The following MTSS1 variants were observed in gnomAD, a reference collection of about 807,000 sequenced individuals.
MTSS1 encodes the protein protein MTSS 1.
A neutral mutation model predicts 79.0 loss-of-function variants in MTSS1; 18 were observed. That is an observed-to-expected ratio of 0.23 (90% CI 0.16 to 0.34). The LOEUF is 0.34. Among genes scored for constraint, MTSS1 ranks in the 10% least tolerant of loss-of-function variants. The pLI is 1.00. For missense variants in MTSS1, 815 were observed against 986.2 expected (o/e 0.83, Z 2.33); for synonymous variants, 341 against 368.6 (o/e 0.93, Z 0.86).
At chr8:124,701,091 G>T (rs1829629121) in intron 2 of MTSS1, among the ~76,000 whole-genome samples, 2 of 152,044 alleles carry the variant, frequency 1.3e-5, no homozygotes, top group South Asian at 4.2e-4. Context: ...TTTTAAATTA[G>T]CCGGGCACAG....
chr8:124,707,344 C>G (rs954668613), intron 1 of MTSS1, among the ~76,000 whole-genome samples: 4 of 151,064 alleles, frequency 2.6e-5, no homozygotes, highest in African/African-American at 7.3e-5. Flanking sequence ...CCCAGGAGTT[C>G]AAGACCAGCC....
chr8:124,597,582 CTCATT>C lies in MTSS1; in HGVS notation c.209-6352_209-6348del, dbSNP rs1443520850. Among the ~76,000 whole-genome samples, 15 of 152,196 alleles carry C rather than the reference CTCATT, an allele frequency of 9.9e-5. No individual in the cohort carries two copies. The highest frequency in any genetic ancestry group is 2.2e-4 in the Non-Finnish European group (15 of 68,040). On this transcript the variant is annotated intron_variant, in intron 3 of 13. Coordinates refer to ENST00000518547, the MANE Select transcript of MTSS1 (RefSeq NM_014751.6). The surrounding 1 kb of genome is among the most constrained non-coding windows in gnomAD (Gnocchi z 4.6). ...GCATTGTCCTGTCCCTCCAAGCTGC[CTCATT>C]TGCAGGCAGCTGCCATCTCCCTGCA...
intron 3 of MTSS1, among the ~76,000 whole-genome samples, chr8:124,675,168 T>C (rs766102172): frequency 6.6e-6 from 1 of 152,258 alleles, no homozygotes; most frequent in Non-Finnish European, 1.5e-5. Flanking sequence ...TAGAAGCTTC[T>C]TGAGGAACAC....
intron 3 of MTSS1, among the ~76,000 whole-genome samples, chr8:124,684,661 G>A (rs534445670): frequency 2.0e-5 from 3 of 152,196 alleles, no homozygotes; most frequent in Non-Finnish European, 4.4e-5. Flanking sequence ...GATACCACCG[G>A]GTTCCATCAC....
At chr8:124,657,935 G>A (rs1045208363) in intron 3 of MTSS1, among the ~76,000 whole-genome samples, 1 of 152,140 alleles carries the variant, frequency 6.6e-6, no homozygotes, top group East Asian at 1.9e-4. Context: ...TGAGCCTTTG[G>A]GAGGTAATTA....
In MTSS1 at chr8:124,624,472, A is replaced by G. The variant is rs556951289; in HGVS notation, c.209-33237T>C. On this transcript the variant is annotated intron_variant, in intron 3 of 13. Transcript: ENST00000518547. ...TGACACAGAAAAAGAAAAGAAAGGG[A>G]TGGGTACAGGGGAATCACAGGGGCA... Among the ~76,000 whole-genome samples, 44 of 152,234 alleles carry G rather than the reference A, an allele frequency of 2.9e-4. No individual in the cohort carries two copies. The South Asian group carries it at 7.0e-3, about 24-fold the overall frequency.
chr8:124,612,161 C>G (rs1196700202), intron 3 of MTSS1, among the ~76,000 whole-genome samples: 1 of 152,132 alleles, frequency 6.6e-6, no homozygotes, highest in Non-Finnish European at 1.5e-5. Context: ...GACATTGGAC[C>G]ACTCCCAACA....
rs1241086029 is a variant in MTSS1, at chr8:124,558,583, C to T, written c.1036-708G>A. On this transcript the variant is annotated intron_variant, in intron 10 of 13. Transcript: ENST00000518547. ...CCCTCAGCCTTGTCCCACCCTCTGT[C>T]CCCAAGAGGAGCCCCACTCTTGGTG... 4 of 1,300,864 alleles carry T rather than the reference C, an allele frequency of 3.1e-6. No homozygotes were observed. In the African/African-American group the frequency reaches 6.0e-5, roughly 19 times the overall value. The allele number at this position is 1,300,864 out of a possible 1,614,324, so 80.6% of individuals were successfully genotyped here. A position where few individuals can be genotyped will look rare whatever the true frequency, so the allele number is the denominator to read the frequency against.
At chr8:124,651,452 T>G (rs79993854) in intron 3 of MTSS1, among the ~76,000 whole-genome samples, 1,866 of 148,180 alleles carry the variant, frequency 0.013, 36 homozygotes, top group African/African-American at 0.043. Flanking sequence ...CACATGGTCT[T>G]TTTTTTTTTG....
chr8:124,699,429 T>C, intron 3 of MTSS1, 97 bp downstream of exon 3: 1 of 1,122,612 alleles, frequency 8.9e-7, no homozygotes, highest in Non-Finnish European at 1.3e-6. Flanking sequence ...AGCTCAGCTC[T>C]GATAACTTAA....
intron 3 of MTSS1, among the ~76,000 whole-genome samples, chr8:124,685,485 CG>C (rs1182641930): frequency 7.2e-5 from 11 of 152,278 alleles, no homozygotes; most frequent in African/African-American, 2.6e-4. Flanking sequence ...GAGCTCTCAG[CG>C]GGGATCCTAA....
At chr8:124,622,512 T>G (rs1349779692) in intron 3 of MTSS1, among the ~76,000 whole-genome samples, 5 of 137,104 alleles carry the variant, frequency 3.6e-5, no homozygotes, top group East Asian at 2.1e-4. Flanking sequence ...AAAAGGTAAA[T>G]GACTGGGTGC....
chr8:124,577,959 A>G (rs917673219), intron 6 of MTSS1, among the ~76,000 whole-genome samples: 1 of 152,192 alleles, frequency 6.6e-6, no homozygotes, highest in African/African-American at 2.4e-5. Context: ...AACACAAGAA[A>G]CATTCCTGTG....
chr8:124,660,235 G>A (rs115617993), intron 3 of MTSS1, among the ~76,000 whole-genome samples: 5 of 152,214 alleles, frequency 3.3e-5, no homozygotes, highest in East Asian at 3.9e-4. Flanking sequence ...CGGCAGCCCA[G>A]AGTTAGGAAT....
At chr8:124,619,027 T>C (rs1324869335) in intron 3 of MTSS1, among the ~76,000 whole-genome samples, 6 of 152,242 alleles carry the variant, frequency 3.9e-5, no homozygotes, top group Admixed American at 3.9e-4. Flanking sequence ...TGATTAATAT[T>C]CATGCAAGGA....
intron 3 of MTSS1, among the ~76,000 whole-genome samples, chr8:124,655,242 C>A (rs1206567714): frequency 6.6e-6 from 1 of 152,252 alleles, no homozygotes; most frequent in Non-Finnish European, 1.5e-5. Context: ...ACCAAGTCTG[C>A]TGACCCTCCC....
chr8:124,601,040 C>T (rs1344562479), intron 3 of MTSS1, among the ~76,000 whole-genome samples: 2 of 150,160 alleles, frequency 1.3e-5, no homozygotes, highest in South Asian at 4.3e-4. Flanking sequence ...GTGACCTTGA[C>T]CCTAGGTTTC....
chr8:124,589,063 C>T (rs1831370468), intron 5 of MTSS1, among the ~76,000 whole-genome samples: 1 of 151,676 alleles, frequency 6.6e-6, no homozygotes, highest in African/African-American at 2.4e-5. Context: ...TGGAGTCTCA[C>T]TCTGTCGTCC....
At chr8:124,577,488 G>T (rs991870238) in intron 6 of MTSS1, 3 of 488,638 alleles carry the variant, frequency 6.1e-6, no homozygotes, top group African/African-American at 5.8e-5. Flanking sequence ...GACCTCAAGT[G>T]ATCCTCCCAA....
Sources: allele counts gnomAD v4.1 joint callset (sites outside exome capture counted in the v4.1 genomes callset), GRCh38; gene constraint gnomAD v4.1.1; non-coding constraint Gnocchi (gnomAD v3.1); transcripts MANE v1.5; gene names NCBI Gene and HGNC (gene_info 2026-07-23, HGNC 2026-07-21).